Variants in PLCL1 observed in about 807,000 individuals in gnomAD.
The protein encoded by PLCL1 is phospholipase C like 1 (inactive), also known as inactive phospholipase C-like protein 1.
In PLCL1, 41 loss-of-function variants were observed where a neutral mutation model predicts 84.4. The ratio of observed to expected loss-of-function variants is 0.49; its 90% CI spans 0.38 to 0.63. PLCL1 has a LOEUF of 0.63. PLCL1 is among the 30% of genes least tolerant of loss of function. The pLI is 0.00. For missense variants in PLCL1, 1,206 were observed against 1,367.8 expected, an observed-to-expected ratio of 0.88 and a Z score of 1.87; for synonymous variants, 490 against 488.3, an observed-to-expected ratio of 1.00 and a Z score of -0.05.
At chr2:198,129,110 A>G (rs1694060168) in intron 5 of PLCL1, among the ~76,000 whole-genome samples, 1 of 152,180 alleles carries the variant, frequency 6.6e-6, no homozygotes, top group African/African-American at 2.4e-5. Flanking sequence ...ATTTTACCCC[A>G]AAATATATTT....
rs538904686 is a variant in PLCL1, at chr2:198,131,165, G to C, written c.3106-15615G>C. 8.5e-5 allele frequency among the ~76,000 whole-genome samples: 13 copies of C among 152,254 alleles called. No homozygotes were observed. In the South Asian group the frequency reaches 1.0e-3, roughly 12 times the overall value. On this transcript the variant is annotated intron_variant, in intron 5 of 5. Coordinates refer to ENST00000428675, the MANE Select transcript of PLCL1 (RefSeq NM_006226.4). ...ATGGACTGTCCCTTCTTCCTTGAAA[G>C]TGTGTAACCCTGCTTGTACCCCTGC...
intron 1 of PLCL1, among the ~76,000 whole-genome samples, chr2:197,975,218 C>G (rs541045644): frequency 7.0e-6 from 1 of 142,082 alleles, no homozygotes; most frequent in African/African-American, 2.6e-5. Context: ...ATGCTTATGA[C>G]AATGCCAGTT....
intron 5 of PLCL1, among the ~76,000 whole-genome samples, chr2:198,133,813 A>G (rs1212159568): frequency 6.6e-6 from 1 of 152,162 alleles, no homozygotes; most frequent in Non-Finnish European, 1.5e-5. Flanking sequence ...CAATGATGCT[A>G]GTAATTAATG....
intron 1 of PLCL1, among the ~76,000 whole-genome samples, chr2:197,881,893 T>C (rs1304149208): frequency 6.6e-6 from 1 of 152,126 alleles, no homozygotes; most frequent in Non-Finnish European, 1.5e-5. Flanking sequence ...ACTCTCCTTA[T>C]TATCTGGAAG....
At chr2:197,940,925 T>A (rs959822615) in intron 1 of PLCL1, among the ~76,000 whole-genome samples, 2 of 152,240 alleles carry the variant, frequency 1.3e-5, no homozygotes, top group African/African-American at 4.8e-5. Context: ...ATGATGAAAG[T>A]ATACAGTCTT....
At chr2:198,122,309 A>T (rs904659261) in intron 5 of PLCL1, among the ~76,000 whole-genome samples, 1 of 152,066 alleles carries the variant, frequency 6.6e-6, no homozygotes, top group Non-Finnish European at 1.5e-5. Context: ...TTTTTCTAGC[A>T]TGGTTCAGAT....
At chr2:197,974,026 G>A (rs1028931127) in intron 1 of PLCL1, among the ~76,000 whole-genome samples, 4 of 152,206 alleles carry the variant, frequency 2.6e-5, no homozygotes, top group African/African-American at 9.6e-5. Flanking sequence ...GCTTTGGGAT[G>A]TATTTCAGAG....
chr2:198,131,871 T>A (rs577277912), intron 5 of PLCL1, among the ~76,000 whole-genome samples: 2 of 152,262 alleles, frequency 1.3e-5, no homozygotes, highest in African/African-American at 4.8e-5. Flanking sequence ...AGGGAACACA[T>A]CTCCTAGAAA....
At chr2:197,988,093 G>C (rs1324502045) in intron 1 of PLCL1, among the ~76,000 whole-genome samples, 1 of 152,198 alleles carries the variant, frequency 6.6e-6, no homozygotes, top group Non-Finnish European at 1.5e-5. Context: ...TGCAGGAGTG[G>C]ACTAGCACTG....
intron 1 of PLCL1, among the ~76,000 whole-genome samples, chr2:197,981,672 G>T (rs966574075): frequency 6.6e-6 from 1 of 152,146 alleles, no homozygotes; most frequent in Non-Finnish European, 1.5e-5. Context: ...TCAAGGGCCC[G>T]AAATGTCTGT....
intron 1 of PLCL1, among the ~76,000 whole-genome samples, chr2:197,996,133 G>A (rs1188343166): frequency 1.3e-5 from 2 of 152,042 alleles, no homozygotes; most frequent in African/African-American, 4.8e-5. Flanking sequence ...AGGGAAAGGA[G>A]GGAGAAGAAA....
chr2:198,134,060 C>A (rs903129144), intron 5 of PLCL1, among the ~76,000 whole-genome samples: 3 of 152,044 alleles, frequency 2.0e-5, no homozygotes, highest in Non-Finnish European at 4.4e-5. Context: ...CAAGCCAACA[C>A]GACACAATCT....
At chr2:197,856,253 C>T (rs185180143) in intron 1 of PLCL1, among the ~76,000 whole-genome samples, 3 of 152,184 alleles carry the variant, frequency 2.0e-5, no homozygotes, top group East Asian at 3.9e-4. Flanking sequence ...TGTGATGGAA[C>T]GTTTACTTCC....
chr2:197,941,707 G>T (rs1689161021), intron 1 of PLCL1, among the ~76,000 whole-genome samples: 1 of 152,192 alleles, frequency 6.6e-6, no homozygotes, highest in Admixed American at 6.5e-5. Flanking sequence ...ACTCAAAGCT[G>T]CTGTAATTCC....
intron 1 of PLCL1, among the ~76,000 whole-genome samples, chr2:197,879,393 A>T (rs1158205141): frequency 6.6e-6 from 1 of 152,174 alleles, no homozygotes; most frequent in East Asian, 1.9e-4. Flanking sequence ...ACAAACATTC[A>T]ATTTCTGTTG....
intron 1 of PLCL1, among the ~76,000 whole-genome samples, chr2:197,856,100 C>T (rs1230346932): frequency 6.6e-6 from 1 of 152,178 alleles, no homozygotes; most frequent in Admixed American, 6.6e-5. Flanking sequence ...AAGAACATAT[C>T]AGACAATTTT....
chr2:198,033,416 A>C (rs930334834), intron 1 of PLCL1, among the ~76,000 whole-genome samples: 6 of 152,180 alleles, frequency 3.9e-5, no homozygotes, highest in Admixed American at 1.3e-4. Context: ...TACTGGCATC[A>C]AGAGTGCTCC....
intron 1 of PLCL1, among the ~76,000 whole-genome samples, chr2:198,046,712 G>A (rs978768397): frequency 6.6e-6 from 1 of 152,010 alleles, no homozygotes; most frequent in Non-Finnish European, 1.5e-5. Flanking sequence ...GGTGGTGTGT[G>A]CCTGTAGCCC....
intron 1 of PLCL1, among the ~76,000 whole-genome samples, chr2:197,984,809 G>A (rs1204719340): frequency 6.6e-6 from 1 of 152,148 alleles, no homozygotes; most frequent in Non-Finnish European, 1.5e-5. Context: ...AAAAGAGCTT[G>A]TAAATAAAAT....
Sources: gnomAD v4.1 joint callset for allele counts (sites outside exome capture counted in the v4.1 genomes callset) on GRCh38, gnomAD v4.1.1 for gene constraint, MANE v1.5 for transcripts, NCBI Gene and HGNC (gene_info 2026-07-23, HGNC 2026-07-21) for gene names.